The following ENTREP2 variants were observed in gnomAD, a reference collection of about 807,000 sequenced individuals.
The protein encoded by ENTREP2 is endosomal transmembrane epsin interactor 2.
the ENTREP2 span, among the ~76,000 whole-genome samples, chr15:29,656,791 G>C: frequency 6.6e-6 from 1 of 151,954 alleles, no homozygotes; most frequent in Non-Finnish European, 1.5e-5. Context: ...AAAACAGTTC[G>C]TTTCTTCTAA....
chr15:29,434,697 A>C, the ENTREP2 span, among the ~76,000 whole-genome samples: 1 of 152,202 alleles, frequency 6.6e-6, no homozygotes, highest in Admixed American at 6.5e-5. Flanking sequence ...ACTGGAGTTA[A>C]ACCTTACAGC....
chr15:29,674,586 C>T, the ENTREP2 span, among the ~76,000 whole-genome samples: 1 of 152,010 alleles, frequency 6.6e-6, no homozygotes, highest in East Asian at 1.9e-4. Flanking sequence ...GACTTTTAAT[C>T]AGATTTTTTC....
At chr15:29,317,378 G>A in the ENTREP2 span, among the ~76,000 whole-genome samples, 2 of 152,234 alleles carry the variant, frequency 1.3e-5, no homozygotes, top group South Asian at 2.1e-4. Flanking sequence ...GAAAGCTACA[G>A]GCAAAACATT....
chr15:29,232,410 A>T, the ENTREP2 span, among the ~76,000 whole-genome samples: 4 of 152,126 alleles, frequency 2.6e-5, no homozygotes, highest in South Asian at 2.1e-4. Context: ...GTGCTAATTT[A>T]AAAAAAAGTT....
At chr15:29,674,765 A>G in the ENTREP2 span, among the ~76,000 whole-genome samples, 55,891 of 121,542 alleles carry the variant, frequency 0.46, 12,558 homozygotes, top group African/African-American at 0.65. Flanking sequence ...GGGAGGGAGG[A>G]GAGGGAGGAG....
At chr15:29,391,790 G>A in the ENTREP2 span, among the ~76,000 whole-genome samples, 3 of 152,110 alleles carry the variant, frequency 2.0e-5, no homozygotes, top group Admixed American at 2.0e-4. Flanking sequence ...AAAATAATTT[G>A]TTTCCTTTGT....
chr15:29,662,343 T>C, the ENTREP2 span, among the ~76,000 whole-genome samples: 13,139 of 151,746 alleles, frequency 0.087, 874 homozygotes, highest in African/African-American at 0.18. Context: ...AGAAATAGTA[T>C]ATACATCCAA....
At chr15:29,268,877 C>T in the ENTREP2 span, 5 of 1,614,010 alleles carry the variant, frequency 3.1e-6, no homozygotes, top group South Asian at 4.4e-5. Context: ...GCTGGCCAGT[C>T]CTTGGGGTCT....
At chr15:29,263,245 G>C in the ENTREP2 span, among the ~76,000 whole-genome samples, 1 of 152,206 alleles carries the variant, frequency 6.6e-6, no homozygotes, top group Non-Finnish European at 1.5e-5. Flanking sequence ...TTCACATGTA[G>C]ATTTGTTCCA....
the ENTREP2 span, among the ~76,000 whole-genome samples, chr15:29,333,045 A>G: frequency 2.6e-5 from 4 of 151,918 alleles, no homozygotes; most frequent in South Asian, 8.3e-4. Context: ...ACATGGGGCT[A>G]GATAGGGGTG....
chr15:29,184,824 C>T, the ENTREP2 span, among the ~76,000 whole-genome samples: 1 of 152,124 alleles, frequency 6.6e-6, no homozygotes, highest in South Asian at 2.1e-4. Flanking sequence ...GGACATGGAG[C>T]CTACCTGGAG....
the ENTREP2 span, among the ~76,000 whole-genome samples, chr15:29,369,271 C>T: frequency 6.6e-6 from 1 of 152,022 alleles, no homozygotes; most frequent in South Asian, 2.1e-4. Context: ...GAGATCCATG[C>T]CTAGACATAT....
chr15:29,312,438 G>A, the ENTREP2 span, among the ~76,000 whole-genome samples: 1 of 152,098 alleles, frequency 6.6e-6, no homozygotes, highest in African/African-American at 2.4e-5. Flanking sequence ...CACAGATGTT[G>A]AGTTTTTTTA....
At chr15:29,212,622 A>G in the ENTREP2 span, among the ~76,000 whole-genome samples, 2 of 152,236 alleles carry the variant, frequency 1.3e-5, no homozygotes, top group East Asian at 3.9e-4. Flanking sequence ...GCAGGCGTTT[A>G]GGGCTATGAA....
chr15:29,630,694 T>C, the ENTREP2 span, among the ~76,000 whole-genome samples: 2 of 152,186 alleles, frequency 1.3e-5, 1 homozygote, highest in South Asian at 4.1e-4. Flanking sequence ...TTTATTTATT[T>C]ACTTAGTTTT....
the ENTREP2 span, among the ~76,000 whole-genome samples, chr15:29,131,968 C>A: frequency 1.3e-5 from 2 of 152,166 alleles, no homozygotes; most frequent in Admixed American, 1.3e-4. Context: ...GAAGTGTGCA[C>A]GGCCCGTCAC....
At chr15:29,499,119 A>C in the ENTREP2 span, among the ~76,000 whole-genome samples, 1 of 152,162 alleles carries the variant, frequency 6.6e-6, no homozygotes, top group Non-Finnish European at 1.5e-5. Context: ...TTTTGACTGG[A>C]TAATTTAATG....
the ENTREP2 span, among the ~76,000 whole-genome samples, chr15:29,295,992 C>T: frequency 1.3e-5 from 2 of 152,154 alleles, no homozygotes; most frequent in Admixed American, 6.5e-5. Context: ...TGTGTGTGGG[C>T]TCCATCCAAT....
At chr15:29,596,960 G>A in the ENTREP2 span, among the ~76,000 whole-genome samples, 1 of 151,958 alleles carries the variant, frequency 6.6e-6, no homozygotes, top group Non-Finnish European at 1.5e-5. Context: ...GTGAGCCACC[G>A]CACTCGGCTC....
Sources: allele counts gnomAD v4.1 joint callset (sites outside exome capture counted in the v4.1 genomes callset), GRCh38; gene constraint gnomAD v4.1.1; transcripts MANE v1.5; gene names NCBI Gene and HGNC (gene_info 2026-07-23, HGNC 2026-07-21).